Variants in LRRTM4 observed in about 807,000 individuals in gnomAD.
LRRTM4 encodes leucine rich repeat transmembrane neuronal 4.
In LRRTM4, 25 loss-of-function variants were observed where a neutral mutation model predicts 47.6. The ratio of observed to expected loss-of-function variants is 0.53; its 90% CI spans 0.38 to 0.73. LRRTM4 has a LOEUF of 0.73. LRRTM4 is among the 30% of genes least tolerant of loss of function. The pLI, the probability that LRRTM4 is intolerant of heterozygous loss-of-function variation, is 0.00. For synonymous variants in LRRTM4, 311 were observed against 269.5 expected, an observed-to-expected ratio of 1.15 and a Z score of -1.51; for missense variants, 638 against 713.4, an observed-to-expected ratio of 0.89 and a Z score of 1.20.
At chr2:76,841,341 G>C (rs558331693) in intron 3 of LRRTM4, among the ~76,000 whole-genome samples, 33 of 151,636 alleles carry the variant, frequency 2.2e-4, no homozygotes, top group African/African-American at 8.0e-4. Flanking sequence ...CGAGTTAATG[G>C]GTGCAGCACA....
intron 3 of LRRTM4, among the ~76,000 whole-genome samples, chr2:77,447,674 T>C (rs1676106472): frequency 6.6e-6 from 1 of 152,196 alleles, no homozygotes; most frequent in Non-Finnish European, 1.5e-5. Context: ...GACTTTTTTT[T>C]GATGTTTGTC....
At chr2:77,194,089 C>T (rs1038537686) in intron 3 of LRRTM4, among the ~76,000 whole-genome samples, 5 of 152,110 alleles carry the variant, frequency 3.3e-5, no homozygotes, top group African/African-American at 1.2e-4. Context: ...TAACGGAATG[C>T]TTCCCTGGGG....
intron 3 of LRRTM4, among the ~76,000 whole-genome samples, chr2:77,313,222 C>T (rs1313124545): frequency 6.6e-6 from 1 of 151,424 alleles, no homozygotes; most frequent in African/African-American, 2.4e-5. Context: ...CGATGTTTTC[C>T]TGGGACCTGG....
intron 3 of LRRTM4, among the ~76,000 whole-genome samples, chr2:76,861,515 C>A (rs77143446): frequency 0.07 from 10,694 of 152,134 alleles, 1,138 homozygotes; most frequent in African/African-American, 0.23. Context: ...ACTTTGCTTT[C>A]TGAGCTCTAG....
At chr2:76,975,401 G>T (rs1449465590) in intron 3 of LRRTM4, among the ~76,000 whole-genome samples, 1 of 135,732 alleles carries the variant, frequency 7.4e-6, no homozygotes, top group Non-Finnish European at 1.5e-5. Context: ...AATCATAAGA[G>T]ACTTATTTAT....
intron 3 of LRRTM4, among the ~76,000 whole-genome samples, chr2:77,419,629 A>C (rs1674790890): frequency 6.6e-6 from 1 of 152,150 alleles, no homozygotes; most frequent in Non-Finnish European, 1.5e-5. Flanking sequence ...AGTTAGTTGA[A>C]TCCATGGATG....
rs1466076435 is a variant in LRRTM4, at chr2:77,096,513, C to G, written c.1552-347597G>C. On this transcript the variant is annotated intron_variant, in intron 3 of 3. Transcript: ENST00000409884. The stretch of plus-strand genomic sequence containing the variant: ...AATATAAAATGTCAAAAGTACAAAA[C>G]AATAATAAAATGTCTATATTAAAAG... Among the ~76,000 whole-genome samples the G allele has an allele frequency of 4.0e-5, 6 of 150,550 alleles. No individual in the cohort carries two copies. The South Asian group carries it at 6.4e-4, about 16-fold the overall frequency.
At chr2:76,806,503 C>G (rs1033106170) in intron 3 of LRRTM4, among the ~76,000 whole-genome samples, 16 of 152,248 alleles carry the variant, frequency 1.1e-4, no homozygotes, top group African/African-American at 2.9e-4. Context: ...ATTTCTTGAA[C>G]CCAGCTGGCG....
intron 3 of LRRTM4, among the ~76,000 whole-genome samples, chr2:76,957,940 G>GTA (rs1179703823): frequency 4.2e-4 from 63 of 151,504 alleles, no homozygotes; most frequent in African/African-American, 1.3e-3. Flanking sequence ...ATGTGTGTGT[G>GTA]TATATATATT....
At chr2:77,485,485 T>A (rs1677875278) in intron 3 of LRRTM4, among the ~76,000 whole-genome samples, 1 of 152,190 alleles carries the variant, frequency 6.6e-6, no homozygotes, top group Non-Finnish European at 1.5e-5. Context: ...CCAATGGTCA[T>A]GGTGCAAAGA....
At chr2:76,774,159 T>G (rs1464981860) in intron 3 of LRRTM4, among the ~76,000 whole-genome samples, 1 of 151,580 alleles carries the variant, frequency 6.6e-6, no homozygotes, top group Non-Finnish European at 1.5e-5. Flanking sequence ...TACAATAAAG[T>G]AAGCTAAAGA....
intron 3 of LRRTM4, among the ~76,000 whole-genome samples, chr2:77,188,457 T>A (rs947982029): frequency 6.6e-6 from 1 of 152,182 alleles, no homozygotes; most frequent in African/African-American, 2.4e-5. Context: ...CCTAAATATT[T>A]GATCACCGTT....
chr2:76,931,305 A>G (rs74448181), intron 3 of LRRTM4, among the ~76,000 whole-genome samples: 1,806 of 152,328 alleles, frequency 0.012, 42 homozygotes, highest in African/African-American at 0.041. Context: ...ATATTAATGC[A>G]TATTAGCAAA....
intron 3 of LRRTM4, among the ~76,000 whole-genome samples, chr2:77,106,953 T>TA (rs201150359): frequency 0.034 from 5,108 of 151,610 alleles, 247 homozygotes; most frequent in African/African-American, 0.11. Context: ...ATCTATCTGA[T>TA]AAAAAAAAGA....
chr2:77,495,837 C>G (rs1678342782), intron 3 of LRRTM4, among the ~76,000 whole-genome samples: 1 of 151,896 alleles, frequency 6.6e-6, no homozygotes, highest in Non-Finnish European at 1.5e-5. Context: ...TTCCTTTACA[C>G]AATTGTTTTG....
intron 3 of LRRTM4, among the ~76,000 whole-genome samples, chr2:77,210,845 G>T (rs1674272957): frequency 1.3e-5 from 2 of 152,148 alleles, no homozygotes; most frequent in South Asian, 4.1e-4. Context: ...GTAGCTGCAA[G>T]AGAGACACAT....
intron 3 of LRRTM4, among the ~76,000 whole-genome samples, chr2:76,762,046 G>A (rs762147628): frequency 5.3e-5 from 8 of 152,058 alleles, no homozygotes; most frequent in African/African-American, 1.9e-4. Context: ...TTCTCAAATC[G>A]TCCACTCACT....
chr2:76,972,233 A>C (rs1161330441), intron 3 of LRRTM4, among the ~76,000 whole-genome samples: 3 of 151,976 alleles, frequency 2.0e-5, no homozygotes, highest in Non-Finnish European at 4.4e-5. Context: ...AGGACTGAGG[A>C]GGATGAGATG....
intron 3 of LRRTM4, among the ~76,000 whole-genome samples, chr2:77,142,669 T>A (rs531570383): frequency 6.6e-6 from 1 of 152,318 alleles, no homozygotes; most frequent in East Asian, 1.9e-4. Flanking sequence ...CAGAATCATA[T>A]GATGAGAACT....
Sources: gnomAD v4.1 joint callset for allele counts (sites outside exome capture counted in the v4.1 genomes callset) on GRCh38, gnomAD v4.1.1 for gene constraint, MANE v1.5 for transcripts, NCBI Gene and HGNC (gene_info 2026-07-23, HGNC 2026-07-21) for gene names.